Variants in HSPD1 observed in about 807,000 individuals in gnomAD.
The protein encoded by HSPD1 is 60 kDa heat shock protein, mitochondrial.
In HSPD1, 3 loss-of-function variants were observed where a neutral mutation model predicts 53.0. The observed-to-expected ratio is 0.06, with a 90% CI of 0.03 to 0.15. The LOEUF (loss-of-function observed/expected upper bound fraction) is 0.15, where lower values mean the gene tolerates loss of function less well. Ranked by LOEUF, HSPD1 falls within the 10% of genes least tolerant of loss-of-function variation. The pLI is 1.00. For missense variants in HSPD1, 431 were observed against 694.1 expected, an observed-to-expected ratio of 0.62 and a Z score of 4.26; for synonymous variants, 200 against 228.0, an observed-to-expected ratio of 0.88 and a Z score of 1.10.
chr2:197,499,038 G>A (rs2086200347), intron 1 of HSPD1, 188 bp from the exon 2 acceptor site: 3 of 648,436 alleles, frequency 4.6e-6, no homozygotes, highest in Non-Finnish European at 8.3e-6. Context: ...AAGCTAAAGA[G>A]GCCGCCCCGG....
At position 197,488,370 on chromosome 2, in the gene HSPD1, C is replaced by T. The variant is rs1261267461; in HGVS notation, c.1337G>A (p.Arg446Gln). The change falls in exon 10 of 12, where the codon CGA becomes CAA. Residue 446 changes from arginine to glutamine, a missense_variant. This residue lies in a region of HSPD1 where 386 missense variants were observed against 657.6 expected (regional missense o/e 0.59). Coordinates refer to ENST00000388968, the MANE Select transcript of HSPD1 (RefSeq NM_002156.5). Reference protein sequence around the residue: ...IVLGGGCALLRCIPALDSLTP... With the variant: ...IVLGGGCALLQCIPALDSLTP... ...CAATGAGTCCAAGGCTGGAATGCATCGAAGGAGGGCACAACCCCCTCCCAA... is the reference window on the plus strand; with the variant it reads ...CAATGAGTCCAAGGCTGGAATGCATTGAAGGAGGGCACAACCCCCTCCCAA... The T allele has an allele frequency of 6.8e-6, 11 of 1,613,754 alleles. No individual in the cohort carries two copies. Among genetic ancestry groups the T allele is most frequent in the African/African-American group, 4.0e-5 (3 of 74,890 alleles).
At chr2:197,487,799 G>A (rs2086044783) in intron 11 of HSPD1, 59 bp downstream of exon 11, 1 of 1,388,642 alleles carries the variant, frequency 7.2e-7, no homozygotes, top group Non-Finnish European at 1.0e-6. Flanking sequence ...TTTGGGATGT[G>A]AGGATACATT....
Position 197,489,127 on chromosome 2 carries a change from T to C in HSPD1, c.1090A>G (p.Lys364Glu). Residue 364 changes from lysine (K) to glutamate (E), a missense_variant, in exon 9 of 12, where the codon AAG (lysine) becomes GAG (glutamate). This residue lies in a region of HSPD1 where 386 missense variants were observed against 657.6 expected (regional missense o/e 0.59). Transcript: ENST00000388968. ...DAMLLKGKGDKAQIEKRIQEI... is the reference protein window; with the variant it reads ...DAMLLKGKGDEAQIEKRIQEI... Reference sequence around the variant, plus strand: ...TGAATACGTTTTTCAATTTGAGCCTTGTCACCTTTTCCTTTTAAGAGCATG... The same window carrying C: ...TGAATACGTTTTTCAATTTGAGCCTCGTCACCTTTTCCTTTTAAGAGCATG... The C allele has an allele frequency of 1.2e-6, 2 of 1,614,138 alleles. No individual in the cohort carries two copies. The highest frequency in any genetic ancestry group is 1.7e-6 in the Non-Finnish European group (2 of 1,179,992).
chr2:197,493,057 C>T (rs2086114043), intron 7 of HSPD1, among the ~76,000 whole-genome samples: 1 of 150,038 alleles, frequency 6.7e-6, no homozygotes, highest in Non-Finnish European at 1.5e-5. Flanking sequence ...CAACTGTAAA[C>T]ACTTGCAAAA....
At chr2:197,499,086 C>T (rs959389358) in intron 1 of HSPD1, 4 of 579,004 alleles carry the variant, frequency 6.9e-6, no homozygotes, top group Non-Finnish European at 1.2e-5. Context: ...AAAGCACATG[C>T]GGCTCCTTCC....
intron 3 of HSPD1, chr2:197,496,928 A>G (rs1374851386): frequency 2.5e-6 from 1 of 402,680 alleles, no homozygotes; most frequent in East Asian, 4.9e-5. Flanking sequence ...AAAGAAACCA[A>G]CTAAGTAAAA....
At chr2:197,498,124 T>C (rs1443394812) in intron 2 of HSPD1, among the ~76,000 whole-genome samples, 1 of 152,214 alleles carries the variant, frequency 6.6e-6, no homozygotes, top group East Asian at 1.9e-4. Context: ...GGGAAGCTAC[T>C]GTCTAATGAG....
intron 5 of HSPD1, 60 bp downstream of exon 5, chr2:197,494,588 CATCAGATAA>C (rs2086134344): frequency 4.2e-5 from 46 of 1,092,634 alleles, no homozygotes; most frequent in Non-Finnish European, 6.4e-5. Context: ...CAGTTTTGAT[CATCAGATAA>C]CTCAAACTTT....
chr2:197,495,454 G>A, intron 3 of HSPD1, 78 bp from the exon 4 acceptor site: 1 of 1,058,132 alleles, frequency 9.5e-7, no homozygotes, highest in Non-Finnish European at 1.5e-6. Context: ...TGAGATTTGT[G>A]ACAAATATTT....
rs1277157480 is a variant in HSPD1, at chr2:197,488,044, G to T, written c.1391-8C>A. ...TTTTAATAATTTCTATACCTACAGA[G>T]AAATTTCAGCAAAATTTTAATACTT... On this transcript the variant is annotated splice_region_variant and splice_polypyrimidine_tract_variant and intron_variant, in intron 10 of 11. Transcript: ENST00000388968. 3 of 1,573,134 alleles carry T rather than the reference G, an allele frequency of 1.9e-6. No individual in the cohort carries two copies. The highest frequency in any genetic ancestry group is 2.6e-6 in the Non-Finnish European group (3 of 1,149,544).
intron 2 of HSPD1, 62 bp from the exon 3 acceptor site, chr2:197,497,454 T>C: frequency 6.5e-7 from 1 of 1,541,970 alleles, no homozygotes; most frequent in Non-Finnish European, 9.0e-7. Flanking sequence ...TTTTTAAAAA[T>C]GAGCAGTCTT....
Position 197,486,938 on chromosome 2 carries a change from C to T in HSPD1, c.*108G>A. The T allele has an allele frequency of 9.5e-7, 1 of 1,047,734 alleles. No homozygotes were observed. The highest frequency in any genetic ancestry group is 1.3e-5 in the South Asian group (1 of 79,202). 64.9% of individuals were successfully genotyped at this position (1,047,734 alleles called of 1,614,324 possible). A position where few individuals can be genotyped will look rare whatever the true frequency, so the allele number is the denominator to read the frequency against. ...ATGGTTATAGTGATTTTCAGCCAGC[C>T]TTTTTCTTCATTTTCTCCAACTGAC... On this transcript the variant is annotated 3_prime_UTR_variant, in exon 12 of 12. Transcript: ENST00000388968.
At chr2:197,488,145 C>G in intron 10 of HSPD1, 109 bp from the exon 11 acceptor site, 3 of 998,980 alleles carry the variant, frequency 3.0e-6, no homozygotes, top group Non-Finnish European at 4.6e-6. Flanking sequence ...TACTACAGAT[C>G]AAATCATTTC....
intron 2 of HSPD1, 110 bp downstream of exon 2, chr2:197,498,565 G>C: frequency 1.0e-6 from 1 of 982,312 alleles, no homozygotes; most frequent in East Asian, 2.5e-5. Flanking sequence ...TGTAAACTGA[G>C]TTCTCTCAAA....
chr2:197,500,249 G>A (rs567109406), upstream of HSPD1: 14 of 722,530 alleles, frequency 1.9e-5, no homozygotes, highest in East Asian at 1.3e-4. Context: ...AGGGCCCTTG[G>A]GGCGAATCGC....
chr2:197,492,109 A>G (rs2106074327), intron 7 of HSPD1, among the ~76,000 whole-genome samples: 1 of 152,356 alleles, frequency 6.6e-6, no homozygotes, highest in Non-Finnish European at 1.5e-5. Flanking sequence ...GTGAGCTATG[A>G]TCGTGCCGCC....
At chr2:197,499,590 A>G (rs2086214613) in intron 1 of HSPD1, among the ~76,000 whole-genome samples, 192 bp downstream of exon 1, 1 of 152,204 alleles carries the variant, frequency 6.6e-6, no homozygotes, top group Non-Finnish European at 1.5e-5. Flanking sequence ...GCCGAGGTCC[A>G]GGATCCGCGT....
chr2:197,496,315 T>A (rs1342607424), intron 3 of HSPD1, among the ~76,000 whole-genome samples: 1 of 152,240 alleles, frequency 6.6e-6, no homozygotes, highest in African/African-American at 2.4e-5. Flanking sequence ...TTAATACTTG[T>A]TAGTGATTTA....
intron 5 of HSPD1, 106 bp downstream of exon 5, chr2:197,494,551 A>C (rs1175159284): frequency 2.5e-6 from 2 of 814,794 alleles, no homozygotes; most frequent in Non-Finnish European, 4.2e-6. Flanking sequence ...GCAGTTTTTA[A>C]AACAGAATTT....
Sources: gnomAD v4.1 joint callset for allele counts (sites outside exome capture counted in the v4.1 genomes callset) on GRCh38, gnomAD v4.1.1 for gene constraint, gnomAD v4.1.1 regional missense constraint, MANE v1.5 for transcripts, NCBI Gene and HGNC (gene_info 2026-07-23, HGNC 2026-07-21) for gene names.